The following IQGAP3 variants were observed in gnomAD, a reference collection of about 807,000 sequenced individuals.
IQGAP3 encodes the protein IQ motif containing GTPase activating protein 3, also known as ras GTPase-activating-like protein IQGAP3.
In IQGAP3, 165 loss-of-function variants were observed where a neutral mutation model predicts 208.2. The observed-to-expected ratio is 0.79, with a 90% confidence interval of 0.70 to 0.90. IQGAP3 has a LOEUF of 0.90. Ranked by LOEUF, IQGAP3 falls within the 40% of genes least tolerant of loss-of-function variation. The probability of loss-of-function intolerance (pLI) is 0.00; values close to 1 mark genes in which losing one functional copy is unlikely to be tolerated. For missense variants in IQGAP3, 1,811 were observed against 2,043.1 expected (o/e 0.89, Z 2.19); for synonymous variants, 703 against 803.6 (o/e 0.87, Z 2.12).
In IQGAP3 at chr1:156,556,536, C is replaced by A; in HGVS notation, c.1287G>T (p.Gln429His). Residue 429 changes from glutamine (Q) to histidine (H), a missense_variant, in exon 12 of 38, where the codon CAG becomes CAT. Transcript: ENST00000361170. ...QLELAVLQQQ[Q>H]GELGQEELFV... is the part of the protein sequence containing the mutation. ...GACCCACATTTCTGGGGCTTACCCC[C>A]TGCTGCTGCTGGAGCACTGCCAGCT... 1.2e-6 allele frequency: 2 copies of A among 1,613,454 alleles called. No homozygotes were observed. The highest frequency in any genetic ancestry group is 8.5e-7 in the Non-Finnish European group (1 of 1,179,564).
At chr1:156,549,598 A>G (rs1778821) in intron 16 of IQGAP3, among the ~76,000 whole-genome samples, 46,286 of 151,946 alleles carry the variant, frequency 0.3, 7,543 homozygotes, top group East Asian at 0.56. Flanking sequence ...ATCACAGTAC[A>G]CTGCCCTCTA....
intron 13 of IQGAP3, among the ~76,000 whole-genome samples, chr1:156,552,501 C>T (rs1221985872): frequency 6.6e-6 from 1 of 152,230 alleles, no homozygotes; most frequent in East Asian, 1.9e-4. Flanking sequence ...GCTTAACCTG[C>T]ATGTCCCACC....
In IQGAP3 at chr1:156,526,507, G is replaced by C; in HGVS notation, c.4875C>G (p.Asn1625Lys). 2 of 1,613,576 alleles carry C rather than the reference G, an allele frequency of 1.2e-6. No homozygotes were observed. The highest frequency in any genetic ancestry group is 1.7e-6 in the Non-Finnish European group (2 of 1,179,470). ...VNVNLLIFLLNKKFLRK is the reference protein window; with the variant it reads ...VNVNLLIFLLKKKFLRK Reference sequence around the variant, plus strand: ...TCTGTCACTTCCGCAAAAACTTCTTGTTGAGGAGGAAGATGAGAAGGTTGA... The same window carrying C: ...TCTGTCACTTCCGCAAAAACTTCTTCTTGAGGAGGAAGATGAGAAGGTTGA... Residue 1625 changes from asparagine to lysine, a missense_variant, in exon 38 of 38, where the codon AAC (asparagine) becomes AAG (lysine). Transcript: ENST00000361170.
intron 3 of IQGAP3, 52 bp from the exon 4 acceptor site, chr1:156,566,156 A>G: frequency 6.6e-7 from 1 of 1,508,460 alleles, no homozygotes; most frequent in Non-Finnish European, 9.2e-7. Context: ...AGCACTCCCT[A>G]TGGGTAAAGC....
At chr1:156,546,014 A>T (rs146868122) in intron 19 of IQGAP3, among the ~76,000 whole-genome samples, 2 of 152,284 alleles carry the variant, frequency 1.3e-5, no homozygotes. Context: ...AGCTTGGTCC[A>T]TGATGCCAGC....
chr1:156,541,067 A>G (rs760784477), intron 22 of IQGAP3, 151 bp from the exon 23 acceptor site: 1 of 644,548 alleles, frequency 1.6e-6, no homozygotes, highest in South Asian at 1.9e-5. Context: ...TTCTGCTTGC[A>G]CTTGGAGGGC....
At chr1:156,545,548 G>A (rs1251761798) in intron 19 of IQGAP3, among the ~76,000 whole-genome samples, 1 of 147,378 alleles carries the variant, frequency 6.8e-6, no homozygotes, top group Non-Finnish European at 1.5e-5. Context: ...CACCCAGGTT[G>A]GAGTGCAGTG....
intron 19 of IQGAP3, among the ~76,000 whole-genome samples, chr1:156,545,439 C>T (rs974083503): frequency 6.6e-6 from 1 of 151,992 alleles, no homozygotes; most frequent in Non-Finnish European, 1.5e-5. Context: ...TGTAAACATG[C>T]CTTATGGTTT....
At chr1:156,549,516 C>T (rs548160430) in intron 16 of IQGAP3, among the ~76,000 whole-genome samples, 24 of 151,398 alleles carry the variant, frequency 1.6e-4, no homozygotes, top group South Asian at 1.3e-3. Context: ...GGTATGGTAG[C>T]GCATGCCTGT....
intron 15 of IQGAP3, among the ~76,000 whole-genome samples, chr1:156,551,345 A>G (rs1307156004): frequency 3.9e-5 from 6 of 152,126 alleles, no homozygotes; most frequent in African/African-American, 1.4e-4. Context: ...CCATTTGTCA[A>G]TTCATTTGAT....
At chr1:156,550,131 T>C in intron 16 of IQGAP3, 130 bp downstream of exon 16, 1 of 658,006 alleles carries the variant, frequency 1.5e-6, no homozygotes, top group Non-Finnish European at 2.7e-6. Context: ...CTGCTCTGAC[T>C]CTGGCCTGCC....
chr1:156,536,729 C>G, intron 27 of IQGAP3: 1 of 154,590 alleles, frequency 6.5e-6, no homozygotes, highest in Non-Finnish European at 1.4e-5. Flanking sequence ...CAAAACATCA[C>G]ACTATACCCT....
At position 156,530,222 on chromosome 1, in the gene IQGAP3, G is replaced by T; in HGVS notation, c.4287C>A (p.Ser1429=). 6.2e-7 allele frequency: 1 copy of T among 1,613,236 alleles called. No homozygotes were observed. Among genetic ancestry groups the T allele is most frequent in the African/African-American group, 1.3e-5 (1 of 75,046 alleles). Residue 1429 remains serine, a synonymous_variant, in exon 34 of 38, where the codon TCC becomes TCA. Transcript: ENST00000361170. ...GCTGCTTCTCTGCCAGTGGCAGGAGGGAGTGAGCTGTCAGTGAGCGGTGTC... is the reference window on the plus strand; with the variant it reads ...GCTGCTTCTCTGCCAGTGGCAGGAGTGAGTGAGCTGTCAGTGAGCGGTGTC... ...LRRHRSLTAH[S]LLPLAEKQRR...
At chr1:156,533,709 C>T in intron 31 of IQGAP3, 64 bp downstream of exon 31, 2 of 1,366,478 alleles carry the variant, frequency 1.5e-6, no homozygotes, top group Non-Finnish European at 2.1e-6. Flanking sequence ...GCCCTGCCTG[C>T]CTGCCTGTCC....
At chr1:156,556,415 T>A in intron 12 of IQGAP3, 118 bp downstream of exon 12, 4 of 935,150 alleles carry the variant, frequency 4.3e-6, no homozygotes, top group Non-Finnish European at 6.6e-6. Context: ...TCTTTCCCCA[T>A]CCTAATCTCG....
Position 156,562,585 on chromosome 1 carries a change from A to C in IQGAP3, c.877+2T>G, listed in dbSNP as rs762731023. The C allele has an allele frequency of 3.7e-6, 6 of 1,613,130 alleles. No homozygotes were observed. ...AAACCACTCCTGCTCGAGGTCTCTT[A>C]CCGTTGACATGGTTGATATTGCCCT... On this transcript the variant is annotated splice_donor_variant, in intron 9 of 37. Transcript: ENST00000361170. LOFTEE classifies it high-confidence loss of function.
intron 34 of IQGAP3, among the ~76,000 whole-genome samples, chr1:156,529,452 A>C (rs1387624988): frequency 6.6e-6 from 1 of 151,236 alleles, no homozygotes; most frequent in African/African-American, 2.4e-5. Flanking sequence ...AAAAAAAGAG[A>C]GTTGCAAGAA....
chr1:156,541,585 C>T lies in IQGAP3; in HGVS notation c.2531-669G>A, dbSNP rs532632009. On this transcript the variant is annotated intron_variant, in intron 22 of 37. Coordinates refer to ENST00000361170, the MANE Select transcript of IQGAP3 (RefSeq NM_178229.5). The stretch of plus-strand genomic sequence containing the variant: ...GACAGAACCTGTTCTAAGTACTTTA[C>T]GTACTTAAGACCACCTGTGAGGTCA... Among the ~76,000 whole-genome samples the T allele has an allele frequency of 6.6e-5, 10 of 152,292 alleles. No homozygotes were observed. In the South Asian group the frequency reaches 1.2e-3, roughly 19 times the overall value.
At chr1:156,562,443 G>T in intron 9 of IQGAP3, 144 bp downstream of exon 9, 1 of 696,058 alleles carries the variant, frequency 1.4e-6, no homozygotes, top group Admixed American at 2.3e-5. Flanking sequence ...CATACTCCTT[G>T]GACTCTGATC....
Sources: allele counts gnomAD v4.1 joint callset (sites outside exome capture counted in the v4.1 genomes callset), GRCh38; gene constraint gnomAD v4.1.1; transcripts MANE v1.5; gene names NCBI Gene and HGNC (gene_info 2026-07-23, HGNC 2026-07-21).